The following EML5 variants were observed in gnomAD, a reference collection of about 807,000 sequenced individuals.
EML5 encodes echinoderm microtubule-associated protein-like 5.
EML5 carries 120 observed loss-of-function variants against 250.0 expected under a neutral mutation model. That is an observed-to-expected ratio of 0.48 (90% confidence interval 0.41 to 0.56). EML5 has a LOEUF of 0.56. Ranked by LOEUF, EML5 falls within the 20% of genes least tolerant of loss-of-function variation. The pLI, the probability that EML5 is intolerant of heterozygous loss-of-function variation, is 0.00. For synonymous variants in EML5, 771 were observed against 806.5 expected (o/e 0.96, Z 0.75); for missense variants, 2,006 against 2,437.6 (o/e 0.82, Z 3.73).
At chr14:88,683,773 A>G (rs28863545) in intron 20 of EML5, among the ~76,000 whole-genome samples, 26,576 of 152,110 alleles carry the variant, frequency 0.17, 3,153 homozygotes, top group African/African-American at 0.33. Flanking sequence ...AATGCTCCAC[A>G]AATTTGGAAT....
chr14:88,754,056 G>A (rs575725613), intron 2 of EML5, among the ~76,000 whole-genome samples: 92 of 152,046 alleles, frequency 6.1e-4, no homozygotes, highest in Non-Finnish European at 1.0e-3. Flanking sequence ...AACATTGCTT[G>A]AGCCCAAGAG....
chr14:88,651,822 C>A (rs1258365558), intron 27 of EML5, among the ~76,000 whole-genome samples: 1 of 152,066 alleles, frequency 6.6e-6, no homozygotes, highest in African/African-American at 2.4e-5. Context: ...TACCAGGTAT[C>A]TCCTCAGTTA....
chr14:88,711,106 C>A (rs2093398342), intron 10 of EML5, among the ~76,000 whole-genome samples: 1 of 152,038 alleles, frequency 6.6e-6, no homozygotes, highest in Admixed American at 6.5e-5. Context: ...AGGCAAGTAT[C>A]ATCTTAAAAT....
chr14:88,696,525 A>G (rs2093082951), intron 15 of EML5, among the ~76,000 whole-genome samples: 1 of 152,216 alleles, frequency 6.6e-6, no homozygotes, highest in Non-Finnish European at 1.5e-5. Flanking sequence ...AAGTGAGATC[A>G]GTGCCCTCCC....
chr14:88,690,367 G>A (rs2092928829), intron 17 of EML5, among the ~76,000 whole-genome samples: 1 of 152,238 alleles, frequency 6.6e-6, no homozygotes, highest in Non-Finnish European at 1.5e-5. Context: ...AAAGGAGTTA[G>A]AAGGCTATTT....
intron 21 of EML5, among the ~76,000 whole-genome samples, chr14:88,675,268 C>T (rs2092567474): frequency 6.6e-6 from 1 of 152,248 alleles, no homozygotes; most frequent in Non-Finnish European, 1.5e-5. Flanking sequence ...AGGTCCCTGC[C>T]TCTGCAGCAA....
intron 36 of EML5, chr14:88,624,417 A>T (rs17188046): frequency 0.24 from 36,048 of 152,598 alleles, 4,449 homozygotes; most frequent in East Asian, 0.38. Context: ...GTTGGTGACA[A>T]ATCAAATCAT....
chr14:88,634,694 A>G (rs1355986327), intron 32 of EML5, among the ~76,000 whole-genome samples: 3 of 152,168 alleles, frequency 2.0e-5, no homozygotes, highest in African/African-American at 7.2e-5. Flanking sequence ...TCCTTTGGAT[A>G]AAAATTTTGT....
At chr14:88,757,086 C>G (rs1448640801) in intron 1 of EML5, among the ~76,000 whole-genome samples, 1 of 152,106 alleles carries the variant, frequency 6.6e-6, no homozygotes, top group Non-Finnish European at 1.5e-5. Context: ...TACTACAAAA[C>G]TACAGTAATC....
intron 33 of EML5, among the ~76,000 whole-genome samples, chr14:88,632,705 G>A (rs965530060): frequency 2.6e-5 from 4 of 152,232 alleles, no homozygotes; most frequent in African/African-American, 9.6e-5. Context: ...AACTTCTGAA[G>A]TGTTCTCCAT....
chr14:88,706,333 G>A lies in EML5; in HGVS notation c.1751C>T (p.Ala584Val). 1 of 1,610,442 alleles carries A rather than the reference G, an allele frequency of 6.2e-7. No individual in the cohort carries two copies. Among genetic ancestry groups the A allele is most frequent in the Non-Finnish European group, 8.5e-7 (1 of 1,178,336 alleles). ...DYQWVISIGG[A>V]DHSVFQWKFI... ...TTTCCACTGAAAGACAGAGTGATCT[G>A]CTCCACCAATAGAAATAACCCACTG... The change falls in exon 11 of 44, where the codon GCA (alanine) becomes GTA (valine). Residue 584 changes from alanine to valine, a missense_variant. By Grantham distance (64) the Ala-to-Val change is moderately conservative (BLOSUM62 0). Around this residue, in one of 7 missense-constraint regions of EML5, gnomAD observed 1,375 missense variants for 1,590.3 expected, o/e 0.86. Coordinates refer to ENST00000554922, the MANE Select transcript of EML5 (RefSeq NM_183387.3).
At chr14:88,691,845 A>AACTT (rs750256046) in intron 17 of EML5, among the ~76,000 whole-genome samples, 1 of 152,248 alleles carries the variant, frequency 6.6e-6, no homozygotes, top group East Asian at 1.9e-4. Flanking sequence ...CCAAAGCCTT[A>AACTT]ACATTCATCC....
intron 17 of EML5, among the ~76,000 whole-genome samples, chr14:88,690,209 C>T (rs2092925588): frequency 6.6e-6 from 1 of 152,198 alleles, no homozygotes; most frequent in Non-Finnish European, 1.5e-5. Context: ...TAAGGCAGTA[C>T]TGCAGGCCAT....
At chr14:88,704,368 G>C (rs2093276231) in intron 13 of EML5, among the ~76,000 whole-genome samples, 1 of 152,102 alleles carries the variant, frequency 6.6e-6, no homozygotes, top group African/African-American at 2.4e-5. Context: ...GCAGATGCTG[G>C]TGCCCTGCTT....
Position 88,644,439 on chromosome 14 carries a change from A to C in EML5, c.4101T>G (p.Pro1367=). 3 of 1,613,698 alleles carry C rather than the reference A, an allele frequency of 1.9e-6. No individual in the cohort carries two copies. Among genetic ancestry groups the C allele is most frequent in the Non-Finnish European group, 1.7e-6 (2 of 1,179,712 alleles). Residue 1367 remains proline (P), a synonymous_variant, in exon 30 of 44, where the codon CCT becomes CCG. Coordinates refer to ENST00000554922, the MANE Select transcript of EML5 (RefSeq NM_183387.3). ...GAGAGTGAGTTTTCCTTACCTCTATAGGTCTCTTTTTCTTGCCTACATTGT... is the reference window on the plus strand; with the variant it reads ...GAGAGTGAGTTTTCCTTACCTCTATCGGTCTCTTTTTCTTGCCTACATTGT... ...QTNNVGKKKR[P]IEDLVLELIF...
Position 88,681,906 on chromosome 14 carries a change from G to C in EML5, c.3108C>G (p.Val1036=). 8.1e-6 allele frequency: 13 copies of C among 1,607,612 alleles called. No individual in the cohort carries two copies. Among genetic ancestry groups the C allele is most frequent in the Non-Finnish European group, 1.1e-5 (13 of 1,177,478 alleles). ...DLSPSHCMLA[V]RKLKKGGRCC... Reference sequence around the variant, plus strand: ...GCCTCTTACCCTTTTTCAGCTTCCGGACAGCCAACATACAATGACTAGGTG... The same window carrying C: ...GCCTCTTACCCTTTTTCAGCTTCCGCACAGCCAACATACAATGACTAGGTG... The change falls in exon 21 of 44, where the codon GTC becomes GTG. Residue 1036 remains valine, a synonymous_variant. Transcript: ENST00000554922.
intron 14 of EML5, among the ~76,000 whole-genome samples, chr14:88,700,295 T>C (rs1239373527): frequency 6.6e-6 from 1 of 152,186 alleles, no homozygotes; most frequent in Non-Finnish European, 1.5e-5. Flanking sequence ...TTCATCTAAA[T>C]TTCTTTTTTT....
chr14:88,664,293 A>G (rs1176202436), intron 23 of EML5, among the ~76,000 whole-genome samples, 200 bp downstream of exon 23: 2 of 151,618 alleles, frequency 1.3e-5, no homozygotes, highest in Non-Finnish European at 2.9e-5. Flanking sequence ...AAAAAAAAGA[A>G]AAGAAAAAGG....
At position 88,736,670 on chromosome 14, in the gene EML5, A is replaced by G. The variant is rs934747779; in HGVS notation, c.848-105T>C. ...TAGGGGCAAGTCCCGGTGAAAGCCAACCTTCAAACCTAAGACAGTTTAAAG... is the reference window on the plus strand; with the variant it reads ...TAGGGGCAAGTCCCGGTGAAAGCCAGCCTTCAAACCTAAGACAGTTTAAAG... On this transcript the variant is annotated intron_variant, in intron 6 of 43. Coordinates refer to ENST00000554922, the MANE Select transcript of EML5 (RefSeq NM_183387.3). 1.2e-5 allele frequency: 13 copies of G among 1,052,054 alleles called. No homozygotes were observed. The African/African-American group carries it at 2.1e-4, about 17-fold the overall frequency. 65.2% of individuals were successfully genotyped at this position (1,052,054 alleles called of 1,614,324 possible).
Sources: gnomAD v4.1 joint callset for allele counts (sites outside exome capture counted in the v4.1 genomes callset) on GRCh38, gnomAD v4.1.1 for gene constraint, gnomAD v4.1.1 regional missense constraint, MANE v1.5 for transcripts, NCBI Gene and HGNC (gene_info 2026-07-23, HGNC 2026-07-21) for gene names.